Variants in MCCC2 observed in about 807,000 individuals in gnomAD.
The protein encoded by MCCC2 is methylcrotonoyl-CoA carboxylase beta chain, mitochondrial.
In MCCC2, 52 loss-of-function variants were observed where a neutral mutation model predicts 77.2. The ratio of observed to expected loss-of-function variants is 0.67; its 90% confidence interval spans 0.54 to 0.85. MCCC2 has a LOEUF of 0.85. Ranked by LOEUF, MCCC2 falls within the 40% of genes least tolerant of loss-of-function variation. The pLI, the probability that MCCC2 is intolerant of heterozygous loss-of-function variation, is 0.00. For synonymous variants in MCCC2, 253 were observed against 248.4 expected (o/e 1.02, Z -0.18); for missense variants, 682 against 703.2 (o/e 0.97, Z 0.34).
chr5:71,631,449 G>A (rs894341988), intron 7 of MCCC2, among the ~76,000 whole-genome samples: 2 of 152,128 alleles, frequency 1.3e-5, no homozygotes, highest in Admixed American at 1.3e-4. Flanking sequence ...CAGGCAGTGG[G>A]AGGAACACAC....
At chr5:71,614,976 T>C (rs1356577685) in intron 6 of MCCC2, among the ~76,000 whole-genome samples, 1 of 152,082 alleles carries the variant, frequency 6.6e-6, no homozygotes, top group Non-Finnish European at 1.5e-5. Context: ...TACATTTTTT[T>C]CCCCCTTTGA....
In MCCC2 at chr5:71,596,478, CAT is replaced by C. The variant is rs949938019; in HGVS notation, c.281+115_281+116del. On this transcript the variant is annotated intron_variant, in intron 3 of 16. Coordinates refer to ENST00000340941, the MANE Select transcript of MCCC2 (RefSeq NM_022132.5). The stretch of plus-strand genomic sequence containing the variant: ...TAGTTCTCATCGTAAGATTCAGGAA[CAT>C]GTGTTTATTGAGAGCCTACTATGTG... The C allele has an allele frequency of 8.1e-6, 8 of 982,266 alleles. No individual in the cohort carries two copies. The African/African-American group carries it at 1.1e-4, about 14-fold the overall frequency. 60.8% of individuals were successfully genotyped at this position (982,266 alleles called of 1,614,324 possible).
intron 8 of MCCC2, 82 bp from the exon 9 acceptor site, chr5:71,634,861 T>G: frequency 8.1e-7 from 1 of 1,233,054 alleles, no homozygotes; most frequent in Non-Finnish European, 1.2e-6. Flanking sequence ...CATCTTTAGA[T>G]GAGAGAAGAT....
chr5:71,602,821 C>G (rs1327854675), intron 5 of MCCC2, 188 bp downstream of exon 5: 4 of 772,932 alleles, frequency 5.2e-6, no homozygotes, highest in Non-Finnish European at 8.2e-6. Flanking sequence ...GTTCATAGTA[C>G]TAGTGCATAA....
intron 12 of MCCC2, 47 bp downstream of exon 12, chr5:71,643,942 A>G (rs768969953): frequency 3.7e-6 from 6 of 1,610,944 alleles, no homozygotes; most frequent in Non-Finnish European, 4.2e-6. Flanking sequence ...TTAATTTAAC[A>G]TAACGTTGAA....
At position 71,616,871 on chromosome 5, in the gene MCCC2, C is replaced by T. The variant is rs543097971; in HGVS notation, c.625-9769C>T. 3.3e-5 allele frequency among the ~76,000 whole-genome samples: 5 copies of T among 152,266 alleles called. No homozygotes were observed. The East Asian group carries it at 5.8e-4, about 18-fold the overall frequency. On this transcript the variant is annotated intron_variant, in intron 6 of 16. Transcript: ENST00000340941. ...GTTTCACCCTTGGGCAGTTCCTCTC[C>T]ACTCTGTTCCTACTATCACCCCCAG...
intron 4 of MCCC2, among the ~76,000 whole-genome samples, chr5:71,600,508 C>G (rs1304592504): frequency 6.6e-6 from 1 of 151,980 alleles, no homozygotes; most frequent in East Asian, 1.9e-4. Flanking sequence ...TTACTGTAGC[C>G]TCAAACTCCT....
intron 6 of MCCC2, among the ~76,000 whole-genome samples, chr5:71,605,061 T>C (rs1745616600): frequency 9.9e-6 from 1 of 101,424 alleles, no homozygotes; most frequent in African/African-American, 3.3e-5. Flanking sequence ...TGTGTCTTTA[T>C]AGCAGCATGA....
chr5:71,605,989 A>T (rs1745659756), intron 6 of MCCC2, among the ~76,000 whole-genome samples: 1 of 152,166 alleles, frequency 6.6e-6, no homozygotes, highest in Non-Finnish European at 1.5e-5. Flanking sequence ...CTTGTAGTAC[A>T]GTTTGAAGTC....
chr5:71,604,584 T>C (rs1005345142), intron 6 of MCCC2, 116 bp downstream of exon 6: 26 of 673,258 alleles, frequency 3.9e-5, no homozygotes, highest in Non-Finnish European at 6.4e-5. Flanking sequence ...AATCTAATCT[T>C]TTTTTTTTTT....
At position 71,657,009 on chromosome 5, in the gene MCCC2, G is replaced by A; in HGVS notation, c.*149G>A. On this transcript the variant is annotated 3_prime_UTR_variant, in exon 17 of 17. Transcript: ENST00000340941. Reference sequence around the variant, plus strand: ...TTTTCTACCTTAAAAAAATCAGTGAGGATATTTATTTAATGAACATCAATT... The same window carrying A: ...TTTTCTACCTTAAAAAAATCAGTGAAGATATTTATTTAATGAACATCAATT... The A allele has an allele frequency of 1.6e-6, 1 of 626,960 alleles. No individual in the cohort carries two copies. Among genetic ancestry groups the A allele is most frequent in the South Asian group, 1.8e-5 (1 of 55,018 alleles). The allele number at this position is 626,960 out of a possible 1,614,324, so 38.8% of individuals were successfully genotyped here.
intron 6 of MCCC2, among the ~76,000 whole-genome samples, chr5:71,622,773 G>C (rs899844263): frequency 1.1e-4 from 17 of 152,180 alleles, no homozygotes; most frequent in Admixed American, 9.8e-4. Flanking sequence ...CTGAGTAGCT[G>C]GGATTACAGG....
chr5:71,601,837 G>T (rs1745448577), intron 4 of MCCC2, among the ~76,000 whole-genome samples: 1 of 151,994 alleles, frequency 6.6e-6, no homozygotes, highest in African/African-American at 2.4e-5. Flanking sequence ...AGCTGTGGTT[G>T]TTGGCCGCCC....
At chr5:71,636,373 T>G in intron 10 of MCCC2, 1 of 163,626 alleles carries the variant, frequency 6.1e-6, no homozygotes, top group South Asian at 1.5e-4. Flanking sequence ...TAATTAATTA[T>G]AAGCACAGGA....
chr5:71,644,264 G>A (rs1036565166), intron 12 of MCCC2, among the ~76,000 whole-genome samples: 4 of 152,058 alleles, frequency 2.6e-5, no homozygotes, highest in Non-Finnish European at 4.4e-5. Flanking sequence ...GAGAATACTT[G>A]TCCTGAAAGT....
chr5:71,601,719 A>C (rs982937113), intron 4 of MCCC2, among the ~76,000 whole-genome samples: 23 of 152,300 alleles, frequency 1.5e-4, no homozygotes, highest in African/African-American at 4.3e-4. Flanking sequence ...AAACATCAGA[A>C]ACATAAAGAA....
chr5:71,610,843 G>T (rs555424110), intron 6 of MCCC2, among the ~76,000 whole-genome samples: 27 of 152,110 alleles, frequency 1.8e-4, no homozygotes, highest in Non-Finnish European at 3.4e-4. Flanking sequence ...AAAATTAGCT[G>T]GGCGTGGTGG....
rs921989871 is a variant in MCCC2 at position 71,596,903 on chromosome 5, G to A, written c.281+539G>A. ...TGCAGTGAGACGAGATTGTGCCACTGCACTCCAGCCTGGGTGACAGAGCGA... is the reference window on the plus strand; with the variant it reads ...TGCAGTGAGACGAGATTGTGCCACTACACTCCAGCCTGGGTGACAGAGCGA... On this transcript the variant is annotated intron_variant, in intron 3 of 16. Transcript: ENST00000340941. Among the ~76,000 whole-genome samples, 5 of 151,832 alleles carry A rather than the reference G, an allele frequency of 3.3e-5. No individual in the cohort carries two copies. The South Asian group carries it at 1.0e-3, about 31-fold the overall frequency.
chr5:71,602,870 T>G, intron 5 of MCCC2: 1 of 565,054 alleles, frequency 1.8e-6, no homozygotes, highest in Non-Finnish European at 3.0e-6. Context: ...TTTTTCTCTA[T>G]GTGTTGTGTG....
Sources: gnomAD v4.1 joint callset for allele counts (sites outside exome capture counted in the v4.1 genomes callset) on GRCh38, gnomAD v4.1.1 for gene constraint, MANE v1.5 for transcripts, NCBI Gene and HGNC (gene_info 2026-07-23, HGNC 2026-07-21) for gene names.